Variants in ANKFN1 observed in about 807,000 individuals in gnomAD.
ANKFN1 encodes the protein ankyrin repeat and fibronectin type-III domain-containing protein 1.
ANKFN1 carries 74 observed loss-of-function variants against 108.7 expected under a neutral mutation model. The ratio of observed to expected loss-of-function variants is 0.68; its 90% confidence interval spans 0.56 to 0.83. The LOEUF is 0.83. Ranked by LOEUF, ANKFN1 falls within the 40% of genes least tolerant of loss-of-function variation. The pLI is 0.00. For synonymous variants in ANKFN1, 547 were observed against 516.2 expected (o/e 1.06, Z -0.81); for missense variants, 1,505 against 1,382.3 (o/e 1.09, Z -1.41).
intron 3 of ANKFN1, among the ~76,000 whole-genome samples, chr17:56,308,049 G>A (rs1479690063): frequency 6.6e-6 from 1 of 152,126 alleles, no homozygotes; most frequent in East Asian, 1.9e-4. Context: ...AGAACACATG[G>A]ACGCAGGAAG....
intron 4 of ANKFN1, among the ~76,000 whole-genome samples, chr17:56,050,047 G>T (rs1904748247): frequency 6.6e-6 from 1 of 151,824 alleles, no homozygotes; most frequent in African/African-American, 2.4e-5. Flanking sequence ...ATCCTCTCCA[G>T]CACCTGTTGT....
intron 3 of ANKFN1, among the ~76,000 whole-genome samples, chr17:56,237,188 C>A (rs1391311834): frequency 6.6e-6 from 1 of 152,148 alleles, no homozygotes; most frequent in Non-Finnish European, 1.5e-5. Context: ...ACGTTTGCAT[C>A]AATGTTCATA....
chr17:56,213,051 A>T (rs1915140381), intron 2 of ANKFN1, among the ~76,000 whole-genome samples: 1 of 152,216 alleles, frequency 6.6e-6, no homozygotes. Context: ...TAGGATTGAG[A>T]TGCTAATCCT....
intron 4 of ANKFN1, among the ~76,000 whole-genome samples, chr17:56,336,659 CA>C (rs1252497355): frequency 2.0e-5 from 3 of 151,970 alleles, no homozygotes; most frequent in Admixed American, 6.6e-5. Flanking sequence ...TTGATCTTTT[CA>C]AAAAACCAGT....
chr17:56,249,669 A>G (rs1319804501), intron 3 of ANKFN1, among the ~76,000 whole-genome samples: 1 of 152,254 alleles, frequency 6.6e-6, no homozygotes, highest in Non-Finnish European at 1.5e-5. Flanking sequence ...GGTAGTATGT[A>G]TTGTCCCAGG....
At chr17:56,072,998 C>CTT (rs111262166) in intron 4 of ANKFN1, among the ~76,000 whole-genome samples, 18 of 147,150 alleles carry the variant, frequency 1.2e-4, no homozygotes, top group Admixed American at 4.7e-4. Flanking sequence ...TTATTATTTT[C>CTT]TTTTTTTTTT....
intron 8 of ANKFN1, among the ~76,000 whole-genome samples, chr17:56,415,739 AG>A (rs2048225142): frequency 6.6e-6 from 1 of 152,218 alleles, no homozygotes; most frequent in Non-Finnish European, 1.5e-5. Context: ...GACCCACAAA[AG>A]ACCCTGTATA....
chr17:56,266,756 G>A (rs563646138), intron 3 of ANKFN1, among the ~76,000 whole-genome samples: 1 of 152,100 alleles, frequency 6.6e-6, no homozygotes, highest in African/African-American at 2.4e-5. Context: ...CTTATATGAA[G>A]AACCATGTGA....
intron 2 of ANKFN1, chr17:56,224,627 T>G (rs1302312596): frequency 6.6e-6 from 1 of 152,170 alleles, no homozygotes; most frequent in Non-Finnish European, 1.5e-5. Flanking sequence ...TTCTAATGAG[T>G]GTCAATTGTA....
chr17:56,433,851 A>G (rs1317417854), intron 8 of ANKFN1, among the ~76,000 whole-genome samples: 1 of 152,034 alleles, frequency 6.6e-6, no homozygotes, highest in Non-Finnish European at 1.5e-5. Flanking sequence ...AAACTGTAAC[A>G]GTCACAGAAA....
intron 3 of ANKFN1, among the ~76,000 whole-genome samples, chr17:56,278,790 A>C (rs2144228914): frequency 6.6e-6 from 1 of 152,380 alleles, no homozygotes; most frequent in East Asian, 1.9e-4. Flanking sequence ...AAAGCCTAAC[A>C]GCTTAGACAT....
At chr17:56,297,405 C>T (rs114606579) in intron 3 of ANKFN1, among the ~76,000 whole-genome samples, 2,620 of 152,234 alleles carry the variant, frequency 0.017, 88 homozygotes, top group African/African-American at 0.059. Context: ...GCAATCTACT[C>T]GTGATTCTGT....
chr17:56,051,024 T>C (rs1453993971), intron 4 of ANKFN1, among the ~76,000 whole-genome samples: 2 of 107,826 alleles, frequency 1.9e-5, no homozygotes, highest in East Asian at 2.7e-4. Flanking sequence ...TCTGAAACTA[T>C]TCCAATCAAT....
At chr17:56,443,431 C>T (rs2049179994) in intron 10 of ANKFN1, among the ~76,000 whole-genome samples, 3 of 152,318 alleles carry the variant, frequency 2.0e-5, no homozygotes, top group Admixed American at 6.5e-5. Context: ...GGTCCAACCA[C>T]ACCCTTTCAT....
At chr17:56,121,965 G>A (rs1284951804) in intron 4 of ANKFN1, among the ~76,000 whole-genome samples, 1 of 152,158 alleles carries the variant, frequency 6.6e-6, no homozygotes, top group Non-Finnish European at 1.5e-5. Context: ...GGGGGAGGTA[G>A]TTTGGGCAGT....
chr17:56,473,225 G>A (rs1282376870), intron 15 of ANKFN1: 1 of 152,160 alleles, frequency 6.6e-6, no homozygotes, highest in East Asian at 1.9e-4. Flanking sequence ...TGAGACTAGG[G>A]CATGTATGGG....
At chr17:56,347,706 A>G (rs1012853634) in intron 4 of ANKFN1, among the ~76,000 whole-genome samples, 14 of 152,114 alleles carry the variant, frequency 9.2e-5, no homozygotes, top group Admixed American at 4.6e-4. Context: ...TGAAAGCTAG[A>G]AGAGTGGAAA....
intron 1 of ANKFN1, among the ~76,000 whole-genome samples, chr17:56,205,133 C>T (rs1404432061): frequency 6.6e-6 from 1 of 152,182 alleles, no homozygotes; most frequent in Non-Finnish European, 1.5e-5. Context: ...TTCTTGGCTC[C>T]ATTCTCCTAA....
At chr17:56,445,252 T>A (rs984457891) in intron 10 of ANKFN1, among the ~76,000 whole-genome samples, 1 of 152,150 alleles carries the variant, frequency 6.6e-6, no homozygotes, top group Non-Finnish European at 1.5e-5. Flanking sequence ...TGAGGAGGTG[T>A]CTGGGGAACC....
Sources: allele counts gnomAD v4.1 joint callset (sites outside exome capture counted in the v4.1 genomes callset), GRCh38; gene constraint gnomAD v4.1.1; transcripts MANE v1.5; gene names NCBI Gene and HGNC (gene_info 2026-07-23, HGNC 2026-07-21).